Variants in NKAIN3 observed in about 807,000 individuals in gnomAD.
NKAIN3 encodes sodium/potassium transporting ATPase interacting 3.
In NKAIN3, 25 loss-of-function variants were observed where a neutral mutation model predicts 30.2. The observed-to-expected ratio is 0.83, with a 90% CI of 0.60 to 1.16. The LOEUF (loss-of-function observed/expected upper bound fraction) is 1.16, where lower values mean the gene tolerates loss of function less well. NKAIN3 is among the 50% of genes most tolerant of loss of function. The pLI is 0.00. For synonymous variants in NKAIN3, 91 were observed against 89.6 expected (o/e 1.02, Z -0.09); for missense variants, 225 against 254.1 (o/e 0.89, Z 0.78).
At chr8:62,478,639 G>A (rs1773080326) in intron 1 of NKAIN3, among the ~76,000 whole-genome samples, 1 of 152,078 alleles carries the variant, frequency 6.6e-6, no homozygotes, top group Non-Finnish European at 1.5e-5. Flanking sequence ...TATAAATAAA[G>A]TAATACTTTT....
intron 3 of NKAIN3, among the ~76,000 whole-genome samples, chr8:62,684,616 G>A (rs1242650016): frequency 6.6e-6 from 1 of 152,210 alleles, no homozygotes; most frequent in Non-Finnish European, 1.5e-5. Flanking sequence ...TCTGTTCTCA[G>A]ATATAAATTA....
At chr8:62,657,930 C>T (rs1366463387) in intron 3 of NKAIN3, among the ~76,000 whole-genome samples, 2 of 152,182 alleles carry the variant, frequency 1.3e-5, no homozygotes, top group Non-Finnish European at 2.9e-5. Context: ...ATGGGGAGAG[C>T]TCTGTAAACA....
At chr8:62,863,432 T>C (rs1290158206) in intron 4 of NKAIN3, 4 of 1,554,054 alleles carry the variant, frequency 2.6e-6, no homozygotes, top group South Asian at 1.1e-5. Context: ...GTAATCTTGG[T>C]CTTACTGTGT....
chr8:62,867,530 G>A (rs1452344812), intron 4 of NKAIN3, among the ~76,000 whole-genome samples: 1 of 152,192 alleles, frequency 6.6e-6, no homozygotes, highest in Non-Finnish European at 1.5e-5. Flanking sequence ...ACTGAGAATT[G>A]ATTGACCAAT....
intron 1 of NKAIN3, among the ~76,000 whole-genome samples, chr8:62,510,040 G>C (rs1327512324): frequency 6.6e-6 from 1 of 152,014 alleles, no homozygotes; most frequent in Admixed American, 6.6e-5. Context: ...CTTAGGACTG[G>C]GTGGATGAAA....
intron 4 of NKAIN3, among the ~76,000 whole-genome samples, chr8:62,803,717 G>A (rs1361524676): frequency 6.6e-6 from 1 of 152,076 alleles, no homozygotes; most frequent in East Asian, 1.9e-4. Flanking sequence ...AGAAAAGCAA[G>A]AGCAAACACA....
At chr8:62,801,667 G>GA (rs1249288657) in intron 4 of NKAIN3, among the ~76,000 whole-genome samples, 1 of 152,118 alleles carries the variant, frequency 6.6e-6, no homozygotes, top group Non-Finnish European at 1.5e-5. Flanking sequence ...CAAAGATGGG[G>GA]AAAAAACAGA....
chr8:62,630,391 T>C (rs1811918883), intron 3 of NKAIN3, among the ~76,000 whole-genome samples: 1 of 152,144 alleles, frequency 6.6e-6, no homozygotes, highest in Non-Finnish European at 1.5e-5. Context: ...AGCAGACAAT[T>C]ATAATGGGAT....
intron 1 of NKAIN3, among the ~76,000 whole-genome samples, chr8:62,379,920 A>G (rs1817216074): frequency 6.6e-6 from 1 of 152,194 alleles, no homozygotes; most frequent in Non-Finnish European, 1.5e-5. Context: ...AGATGAGGAT[A>G]CAGAGGCTCA....
intron 3 of NKAIN3, among the ~76,000 whole-genome samples, chr8:62,626,061 A>G (rs1247379946): frequency 2.6e-5 from 4 of 152,088 alleles, no homozygotes; most frequent in East Asian, 1.9e-4. Context: ...TGAAGAGGCT[A>G]GTGTTTGAGT....
intron 4 of NKAIN3, among the ~76,000 whole-genome samples, chr8:62,770,271 G>A (rs1022223290): frequency 2.0e-5 from 3 of 152,184 alleles, no homozygotes; most frequent in Non-Finnish European, 4.4e-5. Context: ...AATTGCCTGA[G>A]TTTTTAGTGT....
chr8:62,451,753 T>C (rs2129598888), intron 1 of NKAIN3, among the ~76,000 whole-genome samples: 1 of 152,328 alleles, frequency 6.6e-6, no homozygotes, highest in Admixed American at 6.5e-5. Flanking sequence ...GAGATGTTGA[T>C]GGAAAACTAC....
At chr8:62,470,988 A>T (rs541070442) in intron 1 of NKAIN3, among the ~76,000 whole-genome samples, 95 of 152,238 alleles carry the variant, frequency 6.2e-4, no homozygotes, top group Non-Finnish European at 1.2e-3. Context: ...TTCCTTTTTT[A>T]AAAAAACTAA....
At chr8:62,888,974 T>C (rs948285607) in intron 4 of NKAIN3, among the ~76,000 whole-genome samples, 3 of 152,204 alleles carry the variant, frequency 2.0e-5, no homozygotes, top group African/African-American at 7.2e-5. Flanking sequence ...TTTCAATTTT[T>C]AGCAAAAGTT....
At chr8:62,427,733 CATT>C (rs1389276077) in intron 1 of NKAIN3, among the ~76,000 whole-genome samples, 1 of 151,794 alleles carries the variant, frequency 6.6e-6, no homozygotes, top group African/African-American at 2.4e-5. Flanking sequence ...AAGTTGTACA[CATT>C]ATAGGGTACA....
At chr8:62,963,826 A>G (rs1823635139) in intron 6 of NKAIN3, among the ~76,000 whole-genome samples, 1 of 152,052 alleles carries the variant, frequency 6.6e-6, no homozygotes, top group Non-Finnish European at 1.5e-5. Context: ...TCTCTAGATG[A>G]GTTCTAGGCG....
intron 4 of NKAIN3, among the ~76,000 whole-genome samples, chr8:62,908,257 C>G (rs1164344478): frequency 6.6e-6 from 1 of 152,168 alleles, no homozygotes; most frequent in Non-Finnish European, 1.5e-5. Flanking sequence ...GCCTGTACCC[C>G]CATTGTATCT....
intron 3 of NKAIN3, among the ~76,000 whole-genome samples, chr8:62,736,345 G>C (rs1301844324): frequency 1.3e-5 from 2 of 152,172 alleles, no homozygotes; most frequent in Non-Finnish European, 2.9e-5. Flanking sequence ...CCTTGGGCAA[G>C]TCTTGCTGTG....
intron 1 of NKAIN3, among the ~76,000 whole-genome samples, chr8:62,373,303 ATC>A (rs1040178030): frequency 3.3e-5 from 5 of 152,188 alleles, no homozygotes; most frequent in Non-Finnish European, 7.4e-5. Context: ...GTGTTATAAA[ATC>A]TTCCTGGCCA....
Sources: gnomAD v4.1 joint callset for allele counts (sites outside exome capture counted in the v4.1 genomes callset) on GRCh38, gnomAD v4.1.1 for gene constraint, MANE v1.5 for transcripts, NCBI Gene and HGNC (gene_info 2026-07-23, HGNC 2026-07-21) for gene names.